UNC80: variants seen among roughly 807,000 people sequenced by gnomAD.
The protein encoded by UNC80 is protein unc-80 homolog.
In UNC80, 164 loss-of-function variants were observed where a neutral mutation model predicts 384.6. That is an observed-to-expected ratio of 0.43 (90% confidence interval 0.38 to 0.49). The LOEUF is 0.49. UNC80 is among the 20% of genes least tolerant of loss of function. The probability of loss-of-function intolerance (pLI) is 0.00; values close to 1 mark genes in which losing one functional copy is unlikely to be tolerated. For missense variants in UNC80, 3,330 were observed against 4,143.0 expected (o/e 0.80, Z 5.39); for synonymous variants, 1,486 against 1,527.8 (o/e 0.97, Z 0.64).
chr2:209,817,923 A>G lies in UNC80; in HGVS notation c.1664A>G (p.Asn555Ser). 1 of 1,551,608 alleles carries G rather than the reference A, an allele frequency of 6.4e-7. No individual in the cohort carries two copies. Among genetic ancestry groups the G allele is most frequent in the Non-Finnish European group, 8.7e-7 (1 of 1,146,978 alleles). Reference sequence around the variant, plus strand: ...GTAAGCGACCTGCCGGACCCCTCCAACAGCCATGGAGAAAACACCGTCAAG... The same window carrying G: ...GTAAGCGACCTGCCGGACCCCTCCAGCAGCCATGGAGAAAACACCGTCAAG... ...TLVSDLPDPS[N>S]SHGENTVKEV... The change falls in exon 11 of 65, where the codon AAC becomes AGC. Residue 555 changes from asparagine to serine, a missense_variant. Asn to Ser is a conservative substitution (Grantham distance 46). Coordinates refer to ENST00000673920, the MANE Select transcript of UNC80 (RefSeq NM_001371986.1).
chr2:209,991,644 T>C (rs1189224984), intron 61 of UNC80, among the ~76,000 whole-genome samples: 1 of 152,244 alleles, frequency 6.6e-6, no homozygotes, highest in Non-Finnish European at 1.5e-5. Flanking sequence ...ACTATTCATT[T>C]ACTCAGTAGT....
At position 209,842,399 on chromosome 2, in the gene UNC80, G is replaced by A; in HGVS notation, c.3407G>A (p.Gly1136Asp). Residue 1136 changes from glycine to aspartate, a missense_variant, in exon 21 of 65, where the codon GGC becomes GAC. Around this residue, in one of 8 missense-constraint regions of UNC80, gnomAD observed 801 missense variants for 950.8 expected, o/e 0.84. Coordinates refer to ENST00000673920, the MANE Select transcript of UNC80 (RefSeq NM_001371986.1). ...VKLSEGGPGS[G>D]MENGRDEEEN... ...CTTTCTGAAGGTGGGCCAGGAAGTGGCATGGAAAATGGAAGAGATGAAGAG... is the reference window on the plus strand; with the variant it reads ...CTTTCTGAAGGTGGGCCAGGAAGTGACATGGAAAATGGAAGAGATGAAGAG... 3.2e-6 allele frequency: 5 copies of A among 1,551,216 alleles called. No homozygotes were observed. The highest frequency in any genetic ancestry group is 4.4e-6 in the Non-Finnish European group (5 of 1,146,716).
chr2:209,847,035 A>G (rs1379520716), intron 21 of UNC80, among the ~76,000 whole-genome samples: 5 of 152,086 alleles, frequency 3.3e-5, no homozygotes, highest in African/African-American at 7.2e-5. Context: ...TTGGTATTTT[A>G]GAGATTACAT....
chr2:209,939,268 G>A (rs527378961), intron 42 of UNC80, among the ~76,000 whole-genome samples: 11 of 152,308 alleles, frequency 7.2e-5, no homozygotes, highest in African/African-American at 2.4e-4. Flanking sequence ...AAAGCAGGCA[G>A]AAGGAAGTAA....
At chr2:209,778,786 T>A (rs564080764) in intron 4 of UNC80, among the ~76,000 whole-genome samples, 1 of 152,254 alleles carries the variant, frequency 6.6e-6, no homozygotes, top group African/African-American at 2.4e-5. Context: ...GACATGTTCA[T>A]CTGCTCTTTA....
At chr2:209,986,174 A>G (rs528243969) in intron 61 of UNC80, among the ~76,000 whole-genome samples, 18 of 152,332 alleles carry the variant, frequency 1.2e-4, no homozygotes, top group African/African-American at 3.4e-4. Flanking sequence ...CAAGTCTAGC[A>G]GAGTGTTCAT....
intron 39 of UNC80, 75 bp downstream of exon 39, chr2:209,934,080 T>G: frequency 7.4e-7 from 1 of 1,356,484 alleles, no homozygotes. Flanking sequence ...ACTAAGAGTC[T>G]CTTTCATTCA....
At chr2:209,935,910 G>A (rs2091211327) in intron 40 of UNC80, 102 bp downstream of exon 40, 3 of 669,044 alleles carry the variant, frequency 4.5e-6, no homozygotes, top group Non-Finnish European at 7.6e-6. Context: ...GTCTTTAAAT[G>A]GATGTATGCA....
At chr2:209,931,102 A>T (rs1559349279) in intron 38 of UNC80, 48 bp downstream of exon 38, 1 of 1,377,170 alleles carries the variant, frequency 7.3e-7, no homozygotes, top group Admixed American at 2.1e-5. Context: ...ACCATGATGA[A>T]AAGGTCTTAG....
chr2:209,861,263 G>A (rs1345050492), intron 22 of UNC80, among the ~76,000 whole-genome samples: 2 of 152,184 alleles, frequency 1.3e-5, no homozygotes, highest in Admixed American at 6.5e-5. Flanking sequence ...ATAAAGGGAT[G>A]ATGAATTTTA....
chr2:209,989,790 C>G (rs954045036), intron 61 of UNC80, among the ~76,000 whole-genome samples: 21 of 152,242 alleles, frequency 1.4e-4, no homozygotes, highest in African/African-American at 5.1e-4. Context: ...TTTTTATATG[C>G]AACTTCAATT....
Position 209,795,110 on chromosome 2 carries a change from A to T in UNC80, c.938+1251A>T, listed in dbSNP as rs571983318. 12 of 178,464 alleles carry T rather than the reference A, an allele frequency of 6.7e-5. No individual in the cohort carries two copies. In the South Asian group the frequency reaches 1.2e-3, roughly 18 times the overall value. The allele number at this position is 178,464 out of a possible 1,614,324, so 11.1% of individuals were successfully genotyped here. ...GGCTTTGCCCAAAATGCTGATAGCG[A>T]CATAGACAATAAAACCAGGCTGAGG... On this transcript the variant is annotated intron_variant, in intron 7 of 64. Transcript: ENST00000673920.
At chr2:209,984,599 A>G (rs2093240976) in intron 60 of UNC80, among the ~76,000 whole-genome samples, 1 of 151,900 alleles carries the variant, frequency 6.6e-6, no homozygotes, top group Non-Finnish European at 1.5e-5. Context: ...GTTCATTTTA[A>G]CTCTTGACCA....
At position 209,905,002 on chromosome 2, in the gene UNC80, G is replaced by A; in HGVS notation, c.4782+37G>A. ...ACCATTGAATGATATTCTAATACTA[G>A]AAACATGATGTCATAACAATTTCTT... On this transcript the variant is annotated intron_variant, in intron 29 of 64. Transcript: ENST00000673920. 3 of 1,539,636 alleles carry A rather than the reference G, an allele frequency of 1.9e-6. 1 individual carries two copies. In the South Asian group the frequency reaches 3.6e-5, roughly 18 times the overall value.
At chr2:209,891,589 G>A (rs2086333354) in intron 26 of UNC80, among the ~76,000 whole-genome samples, 1 of 152,004 alleles carries the variant, frequency 6.6e-6, no homozygotes, top group South Asian at 2.1e-4. Flanking sequence ...ACTTTAATTT[G>A]ATGTGATTAT....
At chr2:209,816,820 A>G (rs548652888) in intron 9 of UNC80, 89 bp from the exon 10 acceptor site, 38 of 1,209,226 alleles carry the variant, frequency 3.1e-5, no homozygotes, top group Admixed American at 2.9e-4. Flanking sequence ...CATTTCTTGT[A>G]TTTTACTGCA....
At position 209,982,324 on chromosome 2, in the gene UNC80, A is replaced by G; in HGVS notation, c.9257+7A>G. Reference sequence around the variant, plus strand: ...GCATGCTACCCAGCCAGAGGTAAACAGCTATGGTTATACTGTACTCTGCAT... The same window carrying G: ...GCATGCTACCCAGCCAGAGGTAAACGGCTATGGTTATACTGTACTCTGCAT... On this transcript the variant is annotated splice_region_variant and intron_variant, in intron 60 of 64. Coordinates refer to ENST00000673920, the MANE Select transcript of UNC80 (RefSeq NM_001371986.1). The G allele has an allele frequency of 3.2e-6, 5 of 1,550,282 alleles. No homozygotes were observed. The highest frequency in any genetic ancestry group is 4.4e-6 in the Non-Finnish European group (5 of 1,146,484).
At chr2:209,866,529 C>CAG (rs765928807) in intron 22 of UNC80, among the ~76,000 whole-genome samples, 76 of 126,582 alleles carry the variant, frequency 6.0e-4, no homozygotes, top group South Asian at 1.3e-3. Context: ...CACACACACA[C>CAG]ACACAGAGAG....
chr2:209,922,534 T>C (rs2090119445), intron 35 of UNC80, among the ~76,000 whole-genome samples, 151 bp downstream of exon 35: 1 of 152,216 alleles, frequency 6.6e-6, no homozygotes, highest in African/African-American at 2.4e-5. Flanking sequence ...ATGGCATCCT[T>C]TAAAAAAAAA....
Sources: allele counts gnomAD v4.1 joint callset (sites outside exome capture counted in the v4.1 genomes callset), GRCh38; gene constraint gnomAD v4.1.1; regional missense constraint gnomAD v4.1.1; transcripts MANE v1.5; gene names NCBI Gene and HGNC (gene_info 2026-07-23, HGNC 2026-07-21).